Variants in SPEG observed in about 807,000 individuals in gnomAD.
SPEG encodes the protein striated muscle enriched protein kinase, also known as striated muscle preferentially expressed protein kinase.
A neutral mutation model predicts 300.4 loss-of-function variants in SPEG; 114 were observed. The ratio of observed to expected loss-of-function variants is 0.38; its 90% CI spans 0.33 to 0.44. SPEG has a LOEUF of 0.44. Ranked by LOEUF, SPEG falls within the 20% of genes least tolerant of loss-of-function variation. SPEG has a pLI of 1.00. For missense variants in SPEG, 4,201 were observed against 4,586.2 expected (o/e 0.92, Z 2.43); for synonymous variants, 1,964 against 2,018.9 (o/e 0.97, Z 0.73).
At position 219,472,152 on chromosome 2, in the gene SPEG, C is replaced by T. The variant is rs1026684046; in HGVS notation, c.3836-75C>T. On this transcript the variant is annotated intron_variant, in intron 14 of 40. Coordinates refer to ENST00000312358, the MANE Select transcript of SPEG (RefSeq NM_005876.5). ...GGCTGAGCCCCCAGGCCCTAGCCTC[C>T]TGCCCTGAGGCTCGGTGATCCTGTG... 1.9e-6 allele frequency: 3 copies of T among 1,545,078 alleles called. No individual in the cohort carries two copies. In the African/African-American group the frequency reaches 4.1e-5, roughly 21 times the overall value.
chr2:219,475,133 T>C (rs1330647109), intron 18 of SPEG, among the ~76,000 whole-genome samples: 1 of 152,140 alleles, frequency 6.6e-6, no homozygotes, highest in Non-Finnish European at 1.5e-5. Context: ...TTTCTCAAAC[T>C]AGTTACTACC....
In SPEG at chr2:219,435,113, C is replaced by T. The variant is rs1281035566; in HGVS notation, c.136C>T (p.Leu46=). The part of the protein sequence containing the change: ...PVAVAGAPVF[L]RPLKNAAVCA... ...GGCCGTGGCCGGGGCGCCAGTCTTC[C>T]TGCGGCCCCTGAAGAACGCGGCGGT... Residue 46 remains leucine (L), a synonymous_variant, in exon 1 of 41, where the codon CTG becomes TTG. Transcript: ENST00000312358. The T allele has an allele frequency of 6.9e-7, 1 of 1,455,490 alleles. No homozygotes were observed. The highest frequency in any genetic ancestry group is 1.4e-5 in the South Asian group (1 of 72,764). 90.2% of individuals were successfully genotyped at this position (1,455,490 alleles called of 1,614,324 possible).
Position 219,484,360 on chromosome 2 carries a change from TC to T in SPEG, c.6902del (p.Pro2301ArgfsTer3). 1.3e-6 allele frequency: 2 copies of T among 1,598,038 alleles called. No individual in the cohort carries two copies. ...AGAAGCGCGTGCCCTCAGCCGGGGGTCCCCCGGTGCTAGCCGAGAAAGCCCG... is the reference window on the plus strand; with the variant it reads ...AGAAGCGCGTGCCCTCAGCCGGGGGTCCCCGGTGCTAGCCGAGAAAGCCCG... ...PEKRVPSAGG[P>X]PVLAEKARVP... On this transcript the variant is annotated frameshift_variant, in exon 30 of 41. Transcript: ENST00000312358. LOFTEE classifies it high-confidence loss of function.
intron 1 of SPEG, chr2:219,441,436 C>T (rs1399166685): frequency 5.0e-5 from 23 of 459,294 alleles, no homozygotes; most frequent in South Asian, 3.1e-4. Flanking sequence ...AGTCCACACC[C>T]GCCAGGACCC....
chr2:219,484,705 C>A lies in SPEG; in HGVS notation c.7242C>A (p.Ser2414=). 1.3e-6 allele frequency: 2 copies of A among 1,509,142 alleles called. No homozygotes were observed. Among genetic ancestry groups the A allele is most frequent in the Admixed American group, 2.1e-5 (1 of 46,836 alleles). 93.5% of individuals were successfully genotyped at this position (1,509,142 alleles called of 1,614,324 possible). ...TCCGCCGCCTCTCGCTGTCACTGTC[C>A]CAGCGGCTGCGGCGGACCCCTCCCG... ...GLVRRLSLSL[S]QRLRRTPPAQ... is the part of the protein sequence containing the mutation. The change falls in exon 30 of 41, where the codon TCC becomes TCA. Residue 2414 remains serine (S), a synonymous_variant. Transcript: ENST00000312358.
chr2:219,460,517 G>A lies in SPEG; in HGVS notation c.2441-1365G>A, dbSNP rs533287852. 49 of 985,400 alleles carry A rather than the reference G, an allele frequency of 5.0e-5. 2 individuals are homozygous for A. In the African/African-American group the frequency reaches 5.6e-4, roughly 11 times the overall value. The allele number at this position is 985,400 out of a possible 1,614,324, so 61.0% of individuals were successfully genotyped here. Reference sequence around the variant, plus strand: ...GTGCCACCCCTCCCCTGTCTTGCTCGGGGACGGAGGCCCCACACCTTGAGT... The same window carrying A: ...GTGCCACCCCTCCCCTGTCTTGCTCAGGGACGGAGGCCCCACACCTTGAGT... On this transcript the variant is annotated intron_variant, in intron 6 of 40. Coordinates refer to ENST00000312358, the MANE Select transcript of SPEG (RefSeq NM_005876.5).
At position 219,485,440 on chromosome 2, in the gene SPEG, G is replaced by T; in HGVS notation, c.7704G>T (p.Gln2568His). The T allele has an allele frequency of 6.2e-7, 1 of 1,602,630 alleles. No homozygotes were observed. The highest frequency in any genetic ancestry group is 1.3e-5 in the African/African-American group (1 of 74,512). The change falls in exon 31 of 41, where the codon CAG (glutamine) becomes CAT (histidine). Residue 2568 changes from glutamine to histidine, a missense_variant. Physicochemically the swap from Gln to His is conservative, Grantham distance 24. Transcript: ENST00000312358. ...CACCAAACCTCTCTGCCAGCGTCCAGGAGGAGTTGGGTCACCAGTACGTGC... is the reference window on the plus strand; with the variant it reads ...CACCAAACCTCTCTGCCAGCGTCCATGAGGAGTTGGGTCACCAGTACGTGC... ...LSPPNLSASV[Q>H]EELGHQYVRS...
rs1284013609 is a variant in SPEG at position 219,435,106 on chromosome 2, A to C, written c.129A>C (p.Pro43=). ...GGAPVAVAGA[P]VFLRPLKNAA... ...CTCCTGTGGCCGTGGCCGGGGCGCC[A>C]GTCTTCCTGCGGCCCCTGAAGAACG... Residue 43 remains proline (P), a synonymous_variant, in exon 1 of 41, where the codon CCA becomes CCC. Transcript: ENST00000312358. The C allele has an allele frequency of 6.9e-7, 1 of 1,456,454 alleles. No homozygotes were observed. Among genetic ancestry groups the C allele is most frequent in the Non-Finnish European group, 9.0e-7 (1 of 1,115,410 alleles). The allele number at this position is 1,456,454 out of a possible 1,614,324, so 90.2% of individuals were successfully genotyped here.
Position 219,443,270 on chromosome 2 carries a change from A to G in SPEG, c.389-1383A>G. 9.9e-7 allele frequency: 1 copy of G among 1,010,868 alleles called. No individual in the cohort carries two copies. Among genetic ancestry groups the G allele is most frequent in the Non-Finnish European group, 1.6e-6 (1 of 632,108 alleles). 62.6% of individuals were successfully genotyped at this position (1,010,868 alleles called of 1,614,324 possible). On this transcript the variant is annotated intron_variant, in intron 1 of 40. Coordinates refer to ENST00000312358, the MANE Select transcript of SPEG (RefSeq NM_005876.5). The surrounding 1 kb of genome is among the most constrained non-coding windows in gnomAD (Gnocchi z 4.6). The stretch of plus-strand genomic sequence containing the variant: ...CATGAGATGTGGAACCCTCCCACTC[A>G]CCCCCACACTTATCTACCACCCACC...
At chr2:219,470,050 C>G (rs1051001246) in intron 13 of SPEG, among the ~76,000 whole-genome samples, 1 of 152,158 alleles carries the variant, frequency 6.6e-6, no homozygotes, top group Admixed American at 6.5e-5. Context: ...GTCTGCCCCC[C>G]TCCCATAAGA....
intron 9 of SPEG, chr2:219,465,922 TGC>T (rs796752394): frequency 0.011 from 2,526 of 221,560 alleles, 21 homozygotes; most frequent in South Asian, 0.041. Context: ...CGTGTGTGTG[TGC>T]GCGCGTGTGC....
chr2:219,443,148 A>C lies in SPEG; in HGVS notation c.389-1505A>C, dbSNP rs753211616. Reference sequence around the variant, plus strand: ...CGCCGGGCCTTTGGCCGACTCACCCATGGTGCGTGGACCGTGGGCGTCCTT... The same window carrying C: ...CGCCGGGCCTTTGGCCGACTCACCCCTGGTGCGTGGACCGTGGGCGTCCTT... On this transcript the variant is annotated intron_variant, in intron 1 of 40. Coordinates refer to ENST00000312358, the MANE Select transcript of SPEG (RefSeq NM_005876.5). This position sits in a 1 kb window ranked among gnomAD's most constrained non-coding sequence, Gnocchi z 4.6. 6.2e-7 allele frequency: 1 copy of C among 1,612,614 alleles called. No homozygotes were observed. The highest frequency in any genetic ancestry group is 8.5e-7 in the Non-Finnish European group (1 of 1,179,794).
rs1690415299 is a variant in SPEG, at chr2:219,458,964, G to A, written c.2441-2918G>A. On this transcript the variant is annotated intron_variant, in intron 6 of 40. Transcript: ENST00000312358. This position sits in a 1 kb window ranked among gnomAD's most constrained non-coding sequence, Gnocchi z 4.2. ...ACACCTTTTATGTACTAGATAATTC[G>A]CAGTGGTGGCTGCAACTCTGTCTAT... Among the ~76,000 whole-genome samples the A allele has an allele frequency of 6.6e-6, 1 of 152,196 alleles. No homozygotes were observed. Among genetic ancestry groups the A allele is most frequent in the Non-Finnish European group, 1.5e-5 (1 of 68,038 alleles).
chr2:219,477,295 G>T lies in SPEG; in HGVS notation c.4579G>T (p.Glu1527Ter). Residue 1527 changes from glutamate to a stop codon, truncating the protein, a stop_gained, in exon 20 of 41, where the codon GAG (glutamate) becomes TAG (stop). Coordinates refer to ENST00000312358, the MANE Select transcript of SPEG (RefSeq NM_005876.5). LOFTEE classifies it high-confidence loss of function. This position sits in a 1 kb window ranked among gnomAD's most constrained non-coding sequence, Gnocchi z 6.4. The stretch of plus-strand genomic sequence containing the variant: ...TCTGCAGGACGAGGTGCTGCTGACC[G>T]AGAGCAGCCATGTGAGCTTCGTGTA... ...MWYKDEVLLTESSHVSFVYEE... is the reference protein window; with the variant it reads ...MWYKDEVLLT 6.2e-7 allele frequency: 1 copy of T among 1,612,278 alleles called. No individual in the cohort carries two copies.
rs1020828759 is a variant in SPEG at position 219,460,415 on chromosome 2, A to G, written c.2441-1467A>G. 4 of 985,258 alleles carry G rather than the reference A, an allele frequency of 4.1e-6. No individual in the cohort carries two copies. The African/African-American group carries it at 5.2e-5, about 13-fold the overall frequency. 61.0% of individuals were successfully genotyped at this position (985,258 alleles called of 1,614,324 possible). The stretch of plus-strand genomic sequence containing the variant: ...CAGAGCAAGGGGCAACACAGGGAAC[A>G]TTTCCCACGGGCACCTTCTTTGGTG... On this transcript the variant is annotated intron_variant, in intron 6 of 40. Coordinates refer to ENST00000312358, the MANE Select transcript of SPEG (RefSeq NM_005876.5).
At chr2:219,471,583 G>A (rs1691878241) in intron 13 of SPEG, 1 of 460,922 alleles carries the variant, frequency 2.2e-6, no homozygotes, top group Non-Finnish European at 4.0e-6. Context: ...GTGGCCCAGT[G>A]TAGGAGGAAG....
At position 219,483,970 on chromosome 2, in the gene SPEG, C is replaced by G. The variant is rs780342617; in HGVS notation, c.6507C>G (p.Ala2169=). The change falls in exon 30 of 41, where the codon GCC becomes GCG. Residue 2169 remains alanine, a synonymous_variant. Coordinates refer to ENST00000312358, the MANE Select transcript of SPEG (RefSeq NM_005876.5). ...RRLQESPSLS[A]LSEAQPSSPA... ...TACAGGAGTCTCCTTCCCTGTCTGC[C>G]CTCAGCGAGGCCCAGCCATCCAGCC... 6.2e-7 allele frequency: 1 copy of G among 1,609,776 alleles called. No homozygotes were observed. The highest frequency in any genetic ancestry group is 2.2e-5 in the East Asian group (1 of 44,868).
rs371349906 is a variant in SPEG at position 219,492,777 on chromosome 2, C to T, written c.9795C>T (p.Gly3265=). 48 of 1,591,296 alleles carry T rather than the reference C, an allele frequency of 3.0e-5. No individual in the cohort carries two copies. The highest frequency in any genetic ancestry group is 3.5e-4 in the Middle Eastern group (2 of 5,780). Reference sequence around the variant, plus strand: ...AGGTGCTGCTGCGCTCCTACCCTGGCGGCCCCTAGAGGCACGGACCACAGC... The same window carrying T: ...AGGTGCTGCTGCGCTCCTACCCTGGTGGCCCCTAGAGGCACGGACCACAGC... The part of the protein sequence containing the change: ...RHKVLLRSYP[G]GP Residue 3265 remains glycine, a synonymous_variant, in exon 41 of 41, where the codon GGC becomes GGT. Coordinates refer to ENST00000312358, the MANE Select transcript of SPEG (RefSeq NM_005876.5).
In SPEG at chr2:219,461,891, C is replaced by T. The variant is rs1390193211; in HGVS notation, c.2450C>T (p.Thr817Ile). 6 of 1,613,974 alleles carry T rather than the reference C, an allele frequency of 3.7e-6. No homozygotes were observed. The highest frequency in any genetic ancestry group is 5.1e-6 in the Non-Finnish European group (6 of 1,179,916). The change falls in exon 7 of 41, where the codon ACA becomes ATA. Residue 817 changes from threonine to isoleucine, a missense_variant. Thr to Ile is a moderately conservative substitution (Grantham distance 89, BLOSUM62 -1). Around this residue, in one of 4 missense-constraint regions of SPEG, gnomAD observed 1,258 missense variants for 1,293.9 expected, o/e 0.97. Coordinates refer to ENST00000312358, the MANE Select transcript of SPEG (RefSeq NM_005876.5). ...ASLTVRPGGSTSPFSSPITSD... is the reference protein window; with the variant it reads ...ASLTVRPGGSISPFSSPITSD... The stretch of plus-strand genomic sequence containing the variant: ...CTCTGTCTCTCTCCAGGTGGGTCTA[C>T]ATCCCCTTTCAGCAGCCCCATCACC...
Sources: gnomAD v4.1 joint callset for allele counts (sites outside exome capture counted in the v4.1 genomes callset) on GRCh38, gnomAD v4.1.1 for gene constraint, gnomAD v4.1.1 regional missense constraint, Gnocchi (gnomAD v3.1) non-coding constraint, MANE v1.5 for transcripts, NCBI Gene and HGNC (gene_info 2026-07-23, HGNC 2026-07-21) for gene names.